Variants in PIK3R4 observed in about 807,000 individuals in gnomAD.
The protein encoded by PIK3R4 is phosphoinositide 3-kinase regulatory subunit 4.
In PIK3R4, 46 loss-of-function variants were observed where a neutral mutation model predicts 136.5. That is an observed-to-expected ratio of 0.34 (90% CI 0.27 to 0.43). PIK3R4 has a LOEUF of 0.43. Ranked by LOEUF, PIK3R4 falls within the 20% of genes least tolerant of loss-of-function variation. The pLI is 1.00. For missense variants in PIK3R4, 1,331 were observed against 1,649.5 expected, an observed-to-expected ratio of 0.81 and a Z score of 3.35; for synonymous variants, 557 against 566.7, an observed-to-expected ratio of 0.98 and a Z score of 0.24.
At chr3:130,690,699 G>A in intron 13 of PIK3R4, 45 bp from the exon 14 acceptor site, 1 of 1,239,920 alleles carries the variant, frequency 8.1e-7, no homozygotes, top group Non-Finnish European at 1.2e-6. Context: ...CAATGTCACT[G>A]CTAATGTTAA....
chr3:130,741,749 A>C (rs1482015497), intron 2 of PIK3R4, among the ~76,000 whole-genome samples: 2 of 152,192 alleles, frequency 1.3e-5, no homozygotes, highest in Admixed American at 6.6e-5. Flanking sequence ...CACTAGAATG[A>C]AAGCTCCATA....
chr3:130,713,155 C>G (rs192466997), intron 9 of PIK3R4, among the ~76,000 whole-genome samples: 40 of 152,242 alleles, frequency 2.6e-4, no homozygotes, highest in African/African-American at 9.1e-4. Context: ...TTCAAAAAAC[C>G]GGAAGCTGGT....
intron 19 of PIK3R4, chr3:130,680,398 C>A (rs1265779379): frequency 2.7e-5 from 9 of 337,676 alleles, no homozygotes; most frequent in African/African-American, 1.9e-4. Flanking sequence ...AAAGTACATA[C>A]TGGTCATTTG....
At chr3:130,680,875 C>T (rs1171750490) in intron 18 of PIK3R4, 102 bp downstream of exon 18, 11 of 763,888 alleles carry the variant, frequency 1.4e-5, no homozygotes, top group Non-Finnish European at 2.2e-6. Flanking sequence ...AAAGTATTAA[C>T]AGCTGTCCTT....
intron 2 of PIK3R4, among the ~76,000 whole-genome samples, chr3:130,743,968 A>G (rs1432191248): frequency 6.6e-6 from 1 of 152,154 alleles, no homozygotes; most frequent in Non-Finnish European, 1.5e-5. Context: ...AAACTACTCT[A>G]CGAAAGTTAA....
intron 10 of PIK3R4, among the ~76,000 whole-genome samples, chr3:130,708,031 A>C (rs558696234): frequency 6.6e-6 from 1 of 152,210 alleles, no homozygotes; most frequent in Non-Finnish European, 1.5e-5. Context: ...ACGTGATTTT[A>C]CTGTAAAAGT....
chr3:130,742,562 T>C (rs1208106153), intron 2 of PIK3R4, among the ~76,000 whole-genome samples: 2 of 152,224 alleles, frequency 1.3e-5, no homozygotes. Flanking sequence ...AGGCTAACCC[T>C]ATCTTATCAA....
Position 130,705,686 on chromosome 3 carries a change from C to T in PIK3R4, c.2807G>A (p.Arg936Gln), listed in dbSNP as rs181132426. 1.5e-5 allele frequency: 24 copies of T among 1,612,196 alleles called. No homozygotes were observed. The highest frequency in any genetic ancestry group is 6.7e-5 in the East Asian group (3 of 44,858). The change falls in exon 12 of 20, where the codon CGA becomes CAA. Residue 936 changes from arginine (R) to glutamine (Q), a missense_variant. Arg to Gln is a conservative substitution (Grantham distance 43). Coordinates refer to ENST00000356763, the MANE Select transcript of PIK3R4 (RefSeq NM_014602.3). ...AAGTTCAGTTTTACAAGTTGTAATT[C>T]GAATCTGATAGGTGGATGGTAAGAT... ...STILPSTYQI[R>Q]ITTCKTELQQ... is the part of the protein sequence containing the mutation.
chr3:130,719,465 G>A (rs1184920829), intron 7 of PIK3R4, among the ~76,000 whole-genome samples: 5 of 152,076 alleles, frequency 3.3e-5, no homozygotes, highest in East Asian at 1.9e-4. Context: ...GAAAAGATGC[G>A]TTCAAAATAT....
intron 14 of PIK3R4, among the ~76,000 whole-genome samples, chr3:130,687,857 C>T (rs1195047213): frequency 2.0e-5 from 3 of 152,018 alleles, no homozygotes; most frequent in African/African-American, 4.8e-5. Flanking sequence ...TTTATTTTTC[C>T]CACACACCTG....
At chr3:130,728,760 G>T in intron 5 of PIK3R4, 76 bp from the exon 6 acceptor site, 1 of 960,082 alleles carries the variant, frequency 1.0e-6, no homozygotes, top group Non-Finnish European at 1.5e-6. Flanking sequence ...TCCCCATACA[G>T]ATAGTCCCAG....
intron 8 of PIK3R4, among the ~76,000 whole-genome samples, chr3:130,717,585 A>G (rs950974208): frequency 2.0e-5 from 3 of 152,210 alleles, no homozygotes; most frequent in African/African-American, 7.2e-5. Flanking sequence ...TAACCTCTAG[A>G]AATGAATGAA....
rs1287518597 is a variant in PIK3R4 at position 130,745,241 on chromosome 3, T to C, written c.-23A>G. Reference sequence around the variant, plus strand: ...CATAATGGCAAGCACCTCTGTGGTCTTTAGTAAGGTTAGGATATAATACCT... The same window carrying C: ...CATAATGGCAAGCACCTCTGTGGTCCTTAGTAAGGTTAGGATATAATACCT... On this transcript the variant is annotated 5_prime_UTR_variant, in exon 2 of 20. Transcript: ENST00000356763. 6.4e-7 allele frequency: 1 copy of C among 1,563,760 alleles called. No individual in the cohort carries two copies. Among genetic ancestry groups the C allele is most frequent in the Non-Finnish European group, 8.6e-7 (1 of 1,165,062 alleles).
rs1474621356 is a variant in PIK3R4 at position 130,734,095 on chromosome 3, A to T, written c.903T>A (p.Arg301=). Residue 301 remains arginine (R), a synonymous_variant, in exon 4 of 20, where the codon CGT becomes CGA. Coordinates refer to ENST00000356763, the MANE Select transcript of PIK3R4 (RefSeq NM_014602.3). Reference sequence around the variant, plus strand: ...GTTTTAAGTAATCTTCTGCCTCTAAACGTTTATCTGGCTCACGGTGAATCA... The same window carrying T: ...GTTTTAAGTAATCTTCTGCCTCTAATCGTTTATCTGGCTCACGGTGAATCA... ...TQMIHREPDK[R]LEAEDYLKQQ... is the part of the protein sequence containing the mutation. The T allele has an allele frequency of 6.2e-7, 1 of 1,613,796 alleles. No individual in the cohort carries two copies. Among genetic ancestry groups the T allele is most frequent in the East Asian group, 2.2e-5 (1 of 44,886 alleles).
intron 15 of PIK3R4, among the ~76,000 whole-genome samples, chr3:130,685,516 G>T (rs1338022740): frequency 6.6e-6 from 1 of 152,174 alleles, no homozygotes; most frequent in Non-Finnish European, 1.5e-5. Flanking sequence ...GGTTGACTCT[G>T]AAAAGCCAAA....
chr3:130,679,228 G>T lies in PIK3R4; in HGVS notation c.*87C>A. On this transcript the variant is annotated 3_prime_UTR_variant, in exon 20 of 20. Coordinates refer to ENST00000356763, the MANE Select transcript of PIK3R4 (RefSeq NM_014602.3). ...ATGGAGACATAATTTTGAAAATTAA[G>T]CAAATGAATCTGTTCTCTAGAAATG... 1 of 792,196 alleles carries T rather than the reference G, an allele frequency of 1.3e-6. No homozygotes were observed. The highest frequency in any genetic ancestry group is 1.8e-6 in the Non-Finnish European group (1 of 549,634). The allele number at this position is 792,196 out of a possible 1,614,324, so 49.1% of individuals were successfully genotyped here. A position where few individuals can be genotyped will look rare whatever the true frequency, so the allele number is the denominator to read the frequency against.
At chr3:130,745,676 T>C (rs73868959) in intron 1 of PIK3R4, among the ~76,000 whole-genome samples, 5,361 of 152,262 alleles carry the variant, frequency 0.035, 335 homozygotes, top group African/African-American at 0.12. Flanking sequence ...CCATATGACA[T>C]AGTTCTTGTC....
intron 9 of PIK3R4, among the ~76,000 whole-genome samples, chr3:130,713,510 G>C (rs1196683461): frequency 1.3e-5 from 2 of 152,278 alleles, no homozygotes; most frequent in East Asian, 3.9e-4. Context: ...TAGGAAGCAG[G>C]AAGTAGAAAG....
intron 16 of PIK3R4, 96 bp from the exon 17 acceptor site, chr3:130,681,687 A>AC: frequency 2.9e-6 from 2 of 693,240 alleles, no homozygotes; most frequent in South Asian, 3.6e-5. Context: ...AGAAAGAAAA[A>AC]TTTCTTTCTT....
Sources: gnomAD v4.1 joint callset for allele counts (sites outside exome capture counted in the v4.1 genomes callset) on GRCh38, gnomAD v4.1.1 for gene constraint, MANE v1.5 for transcripts, NCBI Gene and HGNC (gene_info 2026-07-23, HGNC 2026-07-21) for gene names.